The following PPP2R1A variants were observed in gnomAD, a reference collection of about 807,000 sequenced individuals.
The protein encoded by PPP2R1A is protein phosphatase 2 scaffold subunit Aalpha.
Under a neutral mutation model 67.1 loss-of-function variants are expected in PPP2R1A, and 15 were observed. The ratio of observed to expected loss-of-function variants is 0.22; its 90% CI spans 0.15 to 0.34. PPP2R1A has a LOEUF of 0.34. Among genes scored for constraint, PPP2R1A ranks in the 10% least tolerant of loss-of-function variants. The probability of loss-of-function intolerance (pLI) is 1.00; values close to 1 mark genes in which losing one functional copy is unlikely to be tolerated. For missense variants in PPP2R1A, 369 were observed against 775.0 expected, an observed-to-expected ratio of 0.48 and a Z score of 6.22; for synonymous variants, 337 against 325.0, an observed-to-expected ratio of 1.04 and a Z score of -0.40.
At chr19:52,193,072 G>T (rs1007552612) in intron 1 of PPP2R1A, among the ~76,000 whole-genome samples, 2 of 152,190 alleles carry the variant, frequency 1.3e-5, no homozygotes, top group African/African-American at 4.8e-5. Flanking sequence ...CAGTACAGAG[G>T]AATATCACTG....
intron 10 of PPP2R1A, 147 bp downstream of exon 10, chr19:52,220,011 G>C (rs1978817778): frequency 1.6e-6 from 2 of 1,247,762 alleles, no homozygotes; most frequent in Non-Finnish European, 2.2e-6. Flanking sequence ...CCAGGAAATA[G>C]GGCCTTAAAA....
rs2122330457 is a variant in PPP2R1A, at chr19:52,211,488, C to T, written c.499C>T (p.Arg167Ter). Residue 167 changes from arginine to a stop codon, truncating the protein, a stop_gained, in exon 4 of 15, where the codon CGA becomes TGA. Coordinates refer to ENST00000322088, the MANE Select transcript of PPP2R1A (RefSeq NM_014225.6). LOFTEE classifies it high-confidence loss of function. This position sits in a 1 kb window ranked among gnomAD's most constrained non-coding sequence, Gnocchi z 5.3. ...RVSSAVKAEL[R>*]QYFRNLCSDD... is the part of the protein sequence containing the mutation. ...GTCCAGTGCTGTGAAGGCGGAACTT[C>T]GACAGTGAGTCTCTGCCTCCTTGGA... is the stretch of plus-strand genomic sequence containing the variant. 1 of 1,605,430 alleles carries T rather than the reference C, an allele frequency of 6.2e-7. No homozygotes were observed. Among genetic ancestry groups the T allele is most frequent in the Non-Finnish European group, 8.5e-7 (1 of 1,173,872 alleles).
chr19:52,226,931 G>A lies in PPP2R1A; in HGVS notation c.*950G>A, dbSNP rs1471541621. 1 of 152,118 alleles carries A rather than the reference G, an allele frequency of 6.6e-6. No individual in the cohort carries two copies. The highest frequency in any genetic ancestry group is 1.5e-5 in the Non-Finnish European group (1 of 68,044). The allele number at this position is 152,118 out of a possible 1,614,324, so 9.4% of individuals were successfully genotyped here. On this transcript the variant is annotated 3_prime_UTR_variant, in exon 15 of 15. Coordinates refer to ENST00000322088, the MANE Select transcript of PPP2R1A (RefSeq NM_014225.6). ...GTACATTGCCAGAGAACCCCCTGTG[G>A]GCCATTTCCTGTGTTCTTGAAGAAG...
intron 3 of PPP2R1A, among the ~76,000 whole-genome samples, chr19:52,206,673 C>T (rs1330056793): frequency 6.6e-6 from 1 of 152,098 alleles, no homozygotes; most frequent in Non-Finnish European, 1.5e-5. Flanking sequence ...GACTGTCTGC[C>T]AGGTCCCCAC....
chr19:52,225,486 A>T (rs1568600723), intron 13 of PPP2R1A, among the ~76,000 whole-genome samples: 1 of 152,162 alleles, frequency 6.6e-6, no homozygotes, highest in East Asian at 1.9e-4. Flanking sequence ...ATCTTCTCTT[A>T]TAGCTGTTTT....
At chr19:52,196,197 A>T (rs1217145197) in intron 1 of PPP2R1A, among the ~76,000 whole-genome samples, 2 of 152,196 alleles carry the variant, frequency 1.3e-5, no homozygotes, top group African/African-American at 4.8e-5. Context: ...TGCACAGGGA[A>T]TTCTCAGGAT....
At chr19:52,223,234 G>T (rs906358697) in intron 13 of PPP2R1A, among the ~76,000 whole-genome samples, 1 of 152,044 alleles carries the variant, frequency 6.6e-6, no homozygotes, top group Non-Finnish European at 1.5e-5. Context: ...AAGAAGGCTC[G>T]CCTCAATGCA....
chr19:52,205,239 G>A (rs1407221181), intron 2 of PPP2R1A, among the ~76,000 whole-genome samples: 1 of 152,166 alleles, frequency 6.6e-6, no homozygotes, highest in Admixed American at 6.5e-5. Context: ...ACTGCCTCAG[G>A]GATGAGAGGA....
chr19:52,190,294 C>A, intron 1 of PPP2R1A, 120 bp downstream of exon 1: 2 of 1,174,244 alleles, frequency 1.7e-6, no homozygotes, highest in Non-Finnish European at 1.2e-6. Flanking sequence ...GGCCAATCAG[C>A]GTGCGTCTCT....
chr19:52,222,080 G>C lies in PPP2R1A; in HGVS notation c.1519-19G>C. 1.9e-6 allele frequency: 3 copies of C among 1,594,106 alleles called. No individual in the cohort carries two copies. The South Asian group carries it at 3.4e-5, about 18-fold the overall frequency. On this transcript the variant is annotated intron_variant, in intron 12 of 14. Coordinates refer to ENST00000322088, the MANE Select transcript of PPP2R1A (RefSeq NM_014225.6). ...CCAGGAGCTTTGCATACTCACCCCT[G>C]CCACTCACTGGCCCCCAGGTGCTGT...
At chr19:52,192,278 G>T (rs766164085) in intron 1 of PPP2R1A, among the ~76,000 whole-genome samples, 2 of 151,948 alleles carry the variant, frequency 1.3e-5, no homozygotes, top group Non-Finnish European at 2.9e-5. Flanking sequence ...CCCAGGAAGA[G>T]GGAACAGATA....
intron 6 of PPP2R1A, among the ~76,000 whole-genome samples, chr19:52,214,371 C>T (rs923886839): frequency 1.3e-5 from 2 of 152,116 alleles, no homozygotes; most frequent in African/African-American, 4.8e-5. Flanking sequence ...GGACTCAGAG[C>T]TTCAGAATAG....
At chr19:52,206,128 A>C (rs1366493162) in intron 3 of PPP2R1A, 65 bp downstream of exon 3, 2 of 1,410,744 alleles carry the variant, frequency 1.4e-6, no homozygotes, top group African/African-American at 1.4e-5. Flanking sequence ...CTGCCGGCCT[A>C]GGGCAGGGAG....
intron 1 of PPP2R1A, among the ~76,000 whole-genome samples, chr19:52,190,813 T>C (rs2089447179): frequency 6.6e-6 from 1 of 152,162 alleles, no homozygotes. Context: ...GATCCTCCCA[T>C]TGACCAGGAT....
intron 1 of PPP2R1A, among the ~76,000 whole-genome samples, chr19:52,199,146 A>G (rs924030230): frequency 6.6e-6 from 1 of 152,010 alleles, no homozygotes; most frequent in Admixed American, 6.6e-5. Flanking sequence ...TACTCCCCAC[A>G]GTATTTTATG....
chr19:52,213,994 G>T lies in PPP2R1A; in HGVS notation c.807+884G>T, dbSNP rs146145955. On this transcript the variant is annotated intron_variant, in intron 6 of 14. Transcript: ENST00000322088. This position sits in a 1 kb window ranked among gnomAD's most constrained non-coding sequence, Gnocchi z 4.2. ...TTCATGGAGCTAGGCAGTCTGAAGG[G>T]GAAGACTGACTTAGGGGAAATTTGA... Among the ~76,000 whole-genome samples the T allele has an allele frequency of 6.6e-6, 1 of 152,128 alleles. No individual in the cohort carries two copies. The highest frequency in any genetic ancestry group is 1.5e-5 in the Non-Finnish European group (1 of 68,034).
rs1186874563 is a variant in PPP2R1A at position 52,216,434 on chromosome 19, A to G, written c.994-95A>G. On this transcript the variant is annotated intron_variant, in intron 8 of 14. Transcript: ENST00000322088. The surrounding 1 kb of genome is among the most constrained non-coding windows in gnomAD (Gnocchi z 4.3). Reference sequence around the variant, plus strand: ...CTGCTCTATGAATGAGAGGGGCAGAAGCAGGTTATTGTCTCTTAGGAGTTG... The same window carrying G: ...CTGCTCTATGAATGAGAGGGGCAGAGGCAGGTTATTGTCTCTTAGGAGTTG... The G allele has an allele frequency of 2.0e-6, 3 of 1,478,112 alleles. No individual in the cohort carries two copies. The Admixed American group carries it at 5.5e-5, about 27-fold the overall frequency. 91.6% of individuals were successfully genotyped at this position (1,478,112 alleles called of 1,614,324 possible).
chr19:52,195,344 A>T (rs1209177221), intron 1 of PPP2R1A, among the ~76,000 whole-genome samples: 4 of 152,128 alleles, frequency 2.6e-5, no homozygotes, highest in Non-Finnish European at 5.9e-5. Context: ...CTATTCTCTC[A>T]CTTAACACAA....
At chr19:52,207,465 T>C (rs906983610) in intron 3 of PPP2R1A, among the ~76,000 whole-genome samples, 2 of 152,320 alleles carry the variant, frequency 1.3e-5, no homozygotes, top group South Asian at 4.1e-4. Context: ...TTCTCCTACC[T>C]GGCCAGGGTC....
Sources: gnomAD v4.1 joint callset for allele counts (sites outside exome capture counted in the v4.1 genomes callset) on GRCh38, gnomAD v4.1.1 for gene constraint, Gnocchi (gnomAD v3.1) non-coding constraint, MANE v1.5 for transcripts, NCBI Gene and HGNC (gene_info 2026-07-23, HGNC 2026-07-21) for gene names.